The following CEP63 variants were observed in gnomAD, a reference collection of about 807,000 sequenced individuals.
CEP63 encodes the protein centrosomal protein 63.
Under a neutral mutation model 89.1 loss-of-function variants are expected in CEP63, and 84 were observed. The ratio of observed to expected loss-of-function variants is 0.94; its 90% CI spans 0.79 to 1.13. The LOEUF (loss-of-function observed/expected upper bound fraction) is 1.13, where lower values mean the gene tolerates loss of function less well. CEP63 is among the 50% of genes most tolerant of loss of function. The pLI is 0.00. For synonymous variants in CEP63, 267 were observed against 272.5 expected (o/e 0.98, Z 0.20); for missense variants, 838 against 813.3 (o/e 1.03, Z -0.37).
chr3:134,720,031 G>T, the CEP63 span, among the ~76,000 whole-genome samples: 1 of 152,046 alleles, frequency 6.6e-6, no homozygotes, highest in Non-Finnish European at 1.5e-5. Flanking sequence ...TACATTTATC[G>T]TTTTGAGGAA....
At chr3:134,599,940 T>C in the CEP63 span, among the ~76,000 whole-genome samples, 2 of 152,190 alleles carry the variant, frequency 1.3e-5, no homozygotes, top group Non-Finnish European at 2.9e-5. Flanking sequence ...AAAATGAATA[T>C]AAATTTTATT....
chr3:134,610,796 A>G, the CEP63 span: 1 of 160,426 alleles, frequency 6.2e-6, no homozygotes, highest in Non-Finnish European at 1.4e-5. Context: ...AACAAAACCT[A>G]CATGTAAGGG....
At chr3:134,557,376 G>GTTTTTGTTTTT in intron 12 of CEP63, among the ~76,000 whole-genome samples, 1 of 101,500 alleles carries the variant, frequency 9.9e-6, no homozygotes, top group African/African-American at 4.9e-5. Context: ...TTCATAATTT[G>GTTTTTGTTTTT]TTTTTTTTTT....
the CEP63 span, among the ~76,000 whole-genome samples, chr3:134,773,422 G>C: frequency 6.6e-6 from 1 of 152,174 alleles, no homozygotes; most frequent in Non-Finnish European, 1.5e-5. Context: ...AAAATGGCAC[G>C]CATAGAAATG....
chr3:134,506,517 T>G (rs1943486050), intron 2 of CEP63, among the ~76,000 whole-genome samples: 1 of 152,178 alleles, frequency 6.6e-6, no homozygotes, highest in African/African-American at 2.4e-5. Context: ...AAACCAGACT[T>G]AAAACATCAA....
chr3:134,517,809 A>T (rs1946570456), intron 3 of CEP63, among the ~76,000 whole-genome samples: 1 of 152,212 alleles, frequency 6.6e-6, no homozygotes, highest in Non-Finnish European at 1.5e-5. Flanking sequence ...AATATCTCAG[A>T]GGGACATTTA....
At chr3:134,670,010 C>G in the CEP63 span, among the ~76,000 whole-genome samples, 1 of 152,264 alleles carries the variant, frequency 6.6e-6, no homozygotes, top group African/African-American at 2.4e-5. Context: ...CTCCCTTGCC[C>G]TTTCTGCAAT....
the CEP63 span, among the ~76,000 whole-genome samples, chr3:134,617,157 G>T: frequency 6.6e-6 from 1 of 152,182 alleles, no homozygotes; most frequent in Non-Finnish European, 1.5e-5. Flanking sequence ...TCCTTCTACA[G>T]TATGCTAGAA....
chr3:134,496,431 A>AAG (rs1491504100), intron 2 of CEP63, among the ~76,000 whole-genome samples: 4 of 145,474 alleles, frequency 2.7e-5, no homozygotes, highest in Middle Eastern at 3.6e-3. Context: ...TAGAAAAAAA[A>AAG]GGGGGGGGGG....
At chr3:134,651,933 G>A in the CEP63 span, among the ~76,000 whole-genome samples, 706 of 152,288 alleles carry the variant, frequency 4.6e-3, 6 homozygotes, top group African/African-American at 0.016. Flanking sequence ...TGCTGGGGGC[G>A]TTCCCCTAAT....
the CEP63 span, among the ~76,000 whole-genome samples, chr3:134,647,226 C>T: frequency 2.0e-5 from 3 of 152,212 alleles, no homozygotes; most frequent in African/African-American, 7.2e-5. Context: ...GCTCTTCAGC[C>T]ACAGCCTCCA....
At chr3:134,602,206 C>T in the CEP63 span, among the ~76,000 whole-genome samples, 5 of 152,194 alleles carry the variant, frequency 3.3e-5, no homozygotes, top group South Asian at 1.0e-3. Context: ...TGTCTGTGTG[C>T]CAGGATGGTT....
At chr3:134,652,485 A>G in the CEP63 span, among the ~76,000 whole-genome samples, 4 of 115,434 alleles carry the variant, frequency 3.5e-5, no homozygotes, top group East Asian at 1.2e-3. Flanking sequence ...CCCACTGGGC[A>G]TCTGATGGAA....
the CEP63 span, among the ~76,000 whole-genome samples, chr3:134,739,622 G>T: frequency 6.6e-6 from 1 of 151,630 alleles, no homozygotes; most frequent in Non-Finnish European, 1.5e-5. Context: ...ATAATGTTGC[G>T]CAAAGACAGC....
At chr3:134,615,068 T>G in the CEP63 span, 2 of 152,258 alleles carry the variant, frequency 1.3e-5, no homozygotes, top group Non-Finnish European at 1.5e-5. Context: ...ACTTGATTTC[T>G]TATAATCTGA....
At chr3:134,541,659 G>GTGC (rs1952040411) in intron 6 of CEP63, among the ~76,000 whole-genome samples, 1 of 151,720 alleles carries the variant, frequency 6.6e-6, no homozygotes, top group Non-Finnish European at 1.5e-5. Context: ...GATTACAGGC[G>GTGC]TGCACCACCA....
At chr3:134,581,911 G>A (rs1204658301) in intron 10 of CEP63, among the ~76,000 whole-genome samples, 2 of 151,552 alleles carry the variant, frequency 1.3e-5, no homozygotes, top group African/African-American at 4.8e-5. Flanking sequence ...TCCTGACCTC[G>A]TGATCCGCCC....
chr3:134,689,966 A>G, the CEP63 span, among the ~76,000 whole-genome samples: 3 of 152,198 alleles, frequency 2.0e-5, no homozygotes, highest in African/African-American at 7.2e-5. Flanking sequence ...TTGCATATCT[A>G]CAGGCAGAAA....
chr3:134,774,718 T>C, the CEP63 span, among the ~76,000 whole-genome samples: 89 of 152,316 alleles, frequency 5.8e-4, no homozygotes, highest in South Asian at 7.2e-3. Flanking sequence ...TGGGTCAGTA[T>C]GGCATCGAAT....
Sources: allele counts gnomAD v4.1 joint callset (sites outside exome capture counted in the v4.1 genomes callset), GRCh38; gene constraint gnomAD v4.1.1; transcripts MANE v1.5; gene names NCBI Gene and HGNC (gene_info 2026-07-23, HGNC 2026-07-21).